Variants in SCLT1 observed in about 807,000 individuals in gnomAD.
The protein encoded by SCLT1 is sodium channel-associated protein 1.
In SCLT1, 78 loss-of-function variants were observed where a neutral mutation model predicts 112.8. That is an observed-to-expected ratio of 0.69 (90% CI 0.58 to 0.83). The LOEUF (loss-of-function observed/expected upper bound fraction) is 0.83, where lower values mean the gene tolerates loss of function less well. Ranked by LOEUF, SCLT1 falls within the 40% of genes least tolerant of loss-of-function variation. SCLT1 has a pLI of 0.00. For synonymous variants in SCLT1, 257 were observed against 254.7 expected (o/e 1.01, Z -0.09); for missense variants, 747 against 770.4 (o/e 0.97, Z 0.36).
chr4:129,084,691 C>T (rs555435101), intron 1 of SCLT1, among the ~76,000 whole-genome samples: 38 of 152,184 alleles, frequency 2.5e-4, no homozygotes, highest in African/African-American at 8.7e-4. Context: ...GCCAATGGAA[C>T]ATAATAGTGA....
chr4:129,072,470 C>G (rs2125756010), intron 2 of SCLT1, among the ~76,000 whole-genome samples: 1 of 152,248 alleles, frequency 6.6e-6, no homozygotes, highest in East Asian at 1.9e-4. Flanking sequence ...TAACATAATT[C>G]CAGACTTCTT....
intron 18 of SCLT1, among the ~76,000 whole-genome samples, chr4:128,892,490 T>A (rs1010329739): frequency 6.6e-6 from 1 of 152,214 alleles, no homozygotes; most frequent in African/African-American, 2.4e-5. Context: ...ATCAACAGAT[T>A]AGCACTTCCA....
rs769631634 is a variant in SCLT1 at position 129,003,793 on chromosome 4, G to A, written c.374C>T (p.Ala125Val). 1.2e-6 allele frequency: 2 copies of A among 1,611,186 alleles called. No homozygotes were observed. The highest frequency in any genetic ancestry group is 1.7e-6 in the Non-Finnish European group (2 of 1,178,388). Reference sequence around the variant, plus strand: ...AAGGTTTCTGACTGTTTCATCATCTGCATATATGTCAGTTCCTACCTCTGT... The same window carrying A: ...AAGGTTTCTGACTGTTTCATCATCTACATATATGTCAGTTCCTACCTCTGT... The part of the protein sequence containing the change: ...LGTEVGTDIY[A>V]DDETVRNLQE... The change falls in exon 6 of 21, where the codon GCA becomes GTA. Residue 125 changes from alanine to valine, a missense_variant. This residue lies in a region of SCLT1 where 723 missense variants were observed against 721.3 expected (regional missense o/e 1.00). Transcript: ENST00000281142.
intron 5 of SCLT1, among the ~76,000 whole-genome samples, chr4:129,025,073 T>C (rs1276820207): frequency 2.0e-5 from 3 of 152,322 alleles, no homozygotes; most frequent in East Asian, 1.9e-4. Flanking sequence ...CTACGTCTGA[T>C]TGGTGTACCT....
intron 13 of SCLT1, among the ~76,000 whole-genome samples, chr4:128,954,555 T>C (rs1388808394): frequency 2.0e-5 from 3 of 152,084 alleles, no homozygotes; most frequent in Non-Finnish European, 4.4e-5. Context: ...CCTCGTGATC[T>C]GCCCACCTCG....
chr4:128,989,502 AGAT>A (rs1742376226), intron 9 of SCLT1, among the ~76,000 whole-genome samples: 1 of 151,886 alleles, frequency 6.6e-6, no homozygotes, highest in Admixed American at 6.6e-5. Flanking sequence ...TTATAGCAAT[AGAT>A]ACCTCCATCA....
At chr4:128,943,254 G>A (rs1737865373) in intron 16 of SCLT1, 66 bp from the exon 17 acceptor site, 1 of 1,140,656 alleles carries the variant, frequency 8.8e-7, no homozygotes, top group African/African-American at 1.6e-5. Context: ...ATAAAAGTCT[G>A]TCTACATTTT....
intron 2 of SCLT1, among the ~76,000 whole-genome samples, chr4:129,051,059 C>A (rs1042389562): frequency 6.6e-6 from 1 of 151,894 alleles, no homozygotes; most frequent in Non-Finnish European, 1.5e-5. Context: ...ATTTCTGAGG[C>A]CTCTGTTCTG....
intron 6 of SCLT1, among the ~76,000 whole-genome samples, chr4:129,001,083 C>T (rs1237994361): frequency 2.6e-5 from 4 of 151,898 alleles, no homozygotes; most frequent in African/African-American, 9.7e-5. Context: ...CTGGATAATT[C>T]ACTTCATTTC....
At chr4:129,083,848 GCA>G (rs1752170555) in intron 1 of SCLT1, among the ~76,000 whole-genome samples, 1 of 152,210 alleles carries the variant, frequency 6.6e-6, no homozygotes, top group South Asian at 2.1e-4. Context: ...TAGAAAAACA[GCA>G]CCAAATTAAA....
chr4:128,979,296 T>C (rs912863235), intron 9 of SCLT1, among the ~76,000 whole-genome samples: 3 of 152,164 alleles, frequency 2.0e-5, no homozygotes, highest in Non-Finnish European at 4.4e-5. Context: ...ACAACCTTCA[T>C]ATAACTCTCA....
chr4:129,048,834 C>T (rs576341187), intron 2 of SCLT1, among the ~76,000 whole-genome samples: 108 of 152,282 alleles, frequency 7.1e-4, no homozygotes, highest in African/African-American at 2.5e-3. Flanking sequence ...TGAACAGACA[C>T]TTCTCAAAAG....
At chr4:129,064,004 ATG>A (rs1015040914) in intron 2 of SCLT1, among the ~76,000 whole-genome samples, 30 of 152,158 alleles carry the variant, frequency 2.0e-4, no homozygotes, top group African/African-American at 6.8e-4. Flanking sequence ...ACATTCTTCA[ATG>A]TGTCTATTTT....
chr4:129,056,241 C>T (rs991202070), intron 2 of SCLT1, among the ~76,000 whole-genome samples: 5 of 152,182 alleles, frequency 3.3e-5, no homozygotes, highest in African/African-American at 1.2e-4. Context: ...GCCATCTTGC[C>T]AATGTCTATC....
chr4:128,896,411 C>A (rs935303192), intron 18 of SCLT1, among the ~76,000 whole-genome samples: 1 of 152,316 alleles, frequency 6.6e-6, no homozygotes, highest in African/African-American at 2.4e-5. Flanking sequence ...CCCAGGCAAA[C>A]AGGGTCTGGA....
At chr4:128,994,174 C>T (rs547475381) in intron 8 of SCLT1, among the ~76,000 whole-genome samples, 11 of 152,092 alleles carry the variant, frequency 7.2e-5, no homozygotes, top group Middle Eastern at 3.4e-3. Context: ...ATTAGTAAGT[C>T]CCCATTTCTT....
At chr4:129,015,419 G>T (rs576878189) in intron 5 of SCLT1, among the ~76,000 whole-genome samples, 17 of 152,184 alleles carry the variant, frequency 1.1e-4, no homozygotes, top group Admixed American at 2.6e-4. Context: ...GCCAGGCTGG[G>T]GCCCCAGGAG....
At chr4:128,907,256 G>A (rs925211825) in intron 18 of SCLT1, among the ~76,000 whole-genome samples, 1 of 152,116 alleles carries the variant, frequency 6.6e-6, no homozygotes, top group Non-Finnish European at 1.5e-5. Flanking sequence ...GTGACGATTC[G>A]ATTTGAACAT....
chr4:128,896,364 A>G (rs985798808), intron 18 of SCLT1, among the ~76,000 whole-genome samples: 2 of 152,182 alleles, frequency 1.3e-5, no homozygotes, highest in African/African-American at 4.8e-5. Flanking sequence ...TTTGCTGTTC[A>G]CCAACATCCA....
Sources: allele counts gnomAD v4.1 joint callset (sites outside exome capture counted in the v4.1 genomes callset), GRCh38; gene constraint gnomAD v4.1.1; regional missense constraint gnomAD v4.1.1; transcripts MANE v1.5; gene names NCBI Gene and HGNC (gene_info 2026-07-23, HGNC 2026-07-21).